The following LRRTM4 variants were observed in gnomAD, a reference collection of about 807,000 sequenced individuals.
The protein encoded by LRRTM4 is leucine-rich repeat transmembrane neuronal protein 4.
In LRRTM4, 25 loss-of-function variants were observed where a neutral mutation model predicts 47.6. The ratio of observed to expected loss-of-function variants is 0.53; its 90% confidence interval spans 0.38 to 0.73. The LOEUF (loss-of-function observed/expected upper bound fraction) is 0.73, where lower values mean the gene tolerates loss of function less well. Ranked by LOEUF, LRRTM4 falls within the 30% of genes least tolerant of loss-of-function variation. LRRTM4 has a pLI of 0.00. For synonymous variants in LRRTM4, 311 were observed against 269.5 expected, an observed-to-expected ratio of 1.15 and a Z score of -1.51; for missense variants, 638 against 713.4, an observed-to-expected ratio of 0.89 and a Z score of 1.20.
intron 3 of LRRTM4, among the ~76,000 whole-genome samples, chr2:77,288,605 A>G (rs911078185): frequency 1.3e-5 from 2 of 152,084 alleles, no homozygotes; most frequent in African/African-American, 4.8e-5. Flanking sequence ...TTTTATCTAT[A>G]AAGATATAAT....
intron 3 of LRRTM4, among the ~76,000 whole-genome samples, chr2:77,398,253 T>C (rs550874939): frequency 6.6e-6 from 1 of 151,912 alleles, no homozygotes; most frequent in African/African-American, 2.4e-5. Flanking sequence ...ACAATACGTC[T>C]TCATAACAGA....
intron 3 of LRRTM4, among the ~76,000 whole-genome samples, chr2:76,787,827 G>A (rs1674761715): frequency 6.6e-6 from 1 of 152,092 alleles, no homozygotes; most frequent in African/African-American, 2.4e-5. Context: ...GCCAGTTTCT[G>A]TCAGTTCATC....
At chr2:77,045,005 G>A (rs1382932189) in intron 3 of LRRTM4, among the ~76,000 whole-genome samples, 1 of 151,628 alleles carries the variant, frequency 6.6e-6, no homozygotes, top group East Asian at 1.9e-4. Flanking sequence ...GATCATGATT[G>A]GTTACCAATT....
intron 3 of LRRTM4, among the ~76,000 whole-genome samples, chr2:76,979,311 T>C (rs1445702709): frequency 5.3e-5 from 8 of 151,896 alleles, no homozygotes; most frequent in Non-Finnish European, 1.2e-4. Context: ...TGCCTGCAGA[T>C]TGTTGAAGCC....
intron 3 of LRRTM4, among the ~76,000 whole-genome samples, chr2:77,210,691 A>T (rs556710807): frequency 5.9e-4 from 90 of 152,210 alleles, no homozygotes; most frequent in African/African-American, 2.1e-3. Context: ...CATTTTTCCC[A>T]CTGCGTTTTC....
At chr2:77,301,779 C>T (rs1375928569) in intron 3 of LRRTM4, among the ~76,000 whole-genome samples, 2 of 152,026 alleles carry the variant, frequency 1.3e-5, no homozygotes, top group Non-Finnish European at 2.9e-5. Flanking sequence ...ATCCTATTCT[C>T]TTTATATTAA....
intron 3 of LRRTM4, among the ~76,000 whole-genome samples, chr2:77,205,878 C>T (rs1278354619): frequency 1.3e-5 from 2 of 152,106 alleles, no homozygotes; most frequent in Non-Finnish European, 2.9e-5. Flanking sequence ...CTCTGTCACC[C>T]AGGCTGGAGT....
At chr2:76,771,392 T>C (rs978655837) in intron 3 of LRRTM4, among the ~76,000 whole-genome samples, 1 of 152,074 alleles carries the variant, frequency 6.6e-6, no homozygotes, top group Non-Finnish European at 1.5e-5. Flanking sequence ...CCATCTGATT[T>C]AGATAAGATT....
rs149176512 is a variant in LRRTM4, at chr2:77,160,472, C to G, written c.1551+357846G>C. On this transcript the variant is annotated intron_variant, in intron 3 of 3. Transcript: ENST00000409884. ...TATTTTAGTGTTGAACTTATAGATT[C>G]CATATAGCCAAAGGACATTGTTTAA... Among the ~76,000 whole-genome samples, 920 of 151,006 alleles carry G rather than the reference C, an allele frequency of 6.1e-3. 14 individuals are homozygous for G. The highest frequency in any genetic ancestry group is 0.021 in the African/African-American group (878 of 41,254).
At chr2:76,873,799 A>G (rs1672705505) in intron 3 of LRRTM4, among the ~76,000 whole-genome samples, 1 of 151,708 alleles carries the variant, frequency 6.6e-6, no homozygotes, top group Admixed American at 6.6e-5. Context: ...ATAGATTGAT[A>G]TCTCAATCCT....
intron 3 of LRRTM4, among the ~76,000 whole-genome samples, chr2:77,018,176 T>C (rs923269705): frequency 6.0e-5 from 9 of 151,020 alleles, no homozygotes; most frequent in Non-Finnish European, 5.9e-5. Flanking sequence ...TGATGAAAAA[T>C]AGGTCCCCCA....
At chr2:77,105,681 A>G (rs938635354) in intron 3 of LRRTM4, among the ~76,000 whole-genome samples, 4 of 152,218 alleles carry the variant, frequency 2.6e-5, no homozygotes, top group Admixed American at 6.5e-5. Flanking sequence ...TCTATACTAT[A>G]TAAGAAAACA....
At chr2:77,156,114 A>C (rs549540022) in intron 3 of LRRTM4, among the ~76,000 whole-genome samples, 1 of 152,226 alleles carries the variant, frequency 6.6e-6, no homozygotes, top group Admixed American at 6.5e-5. Context: ...TGAAAGGTAT[A>C]TTTATGTGAA....
At chr2:76,924,399 G>A (rs1029494652) in intron 3 of LRRTM4, among the ~76,000 whole-genome samples, 2 of 151,918 alleles carry the variant, frequency 1.3e-5, no homozygotes, top group African/African-American at 4.8e-5. Flanking sequence ...TGGCTCATTA[G>A]AGCCAGGAGT....
chr2:76,982,843 C>G (rs10520175), intron 3 of LRRTM4, among the ~76,000 whole-genome samples: 19,207 of 151,874 alleles, frequency 0.13, 1,242 homozygotes, highest in East Asian at 0.14. Context: ...GAAACACTTG[C>G]AAATAAGTGA....
At chr2:77,193,327 T>A (rs1673725445) in intron 3 of LRRTM4, among the ~76,000 whole-genome samples, 1 of 152,172 alleles carries the variant, frequency 6.6e-6, no homozygotes, top group South Asian at 2.1e-4. Flanking sequence ...AGTCCAGGTG[T>A]TAAGAAATGC....
chr2:77,485,871 C>T (rs1558765963), intron 3 of LRRTM4, among the ~76,000 whole-genome samples: 1 of 151,856 alleles, frequency 6.6e-6, no homozygotes, highest in South Asian at 2.1e-4. Flanking sequence ...GCTGGGACTA[C>T]AGGCATGCAC....
At chr2:77,404,172 C>T (rs1674075180) in intron 3 of LRRTM4, among the ~76,000 whole-genome samples, 1 of 151,736 alleles carries the variant, frequency 6.6e-6, no homozygotes, top group Admixed American at 6.6e-5. Context: ...ACAGGAATAC[C>T]AAAGACTATA....
chr2:77,142,430 TACACACACACAC>T (rs71381264), intron 3 of LRRTM4, among the ~76,000 whole-genome samples: 2 of 145,262 alleles, frequency 1.4e-5, no homozygotes, highest in African/African-American at 2.5e-5. Context: ...CACACACACA[TACACACACACAC>T]ACACACACAC....
Sources: allele counts gnomAD v4.1 joint callset (sites outside exome capture counted in the v4.1 genomes callset), GRCh38; gene constraint gnomAD v4.1.1; transcripts MANE v1.5; gene names NCBI Gene and HGNC (gene_info 2026-07-23, HGNC 2026-07-21).